The following TRPM2 variants were observed in gnomAD, a reference collection of about 807,000 sequenced individuals.
The protein encoded by TRPM2 is transient receptor potential cation channel subfamily M member 2.
TRPM2 carries 161 observed loss-of-function variants against 174.0 expected under a neutral mutation model. The ratio of observed to expected loss-of-function variants is 0.93; its 90% confidence interval spans 0.81 to 1.05. The LOEUF (loss-of-function observed/expected upper bound fraction) is 1.05. Among genes scored for constraint, TRPM2 ranks in the 50% least tolerant of loss-of-function variants. The pLI is 0.00. For missense variants in TRPM2, 2,057 were observed against 2,038.0 expected, an observed-to-expected ratio of 1.01 and a Z score of -0.18; for synonymous variants, 954 against 861.3, an observed-to-expected ratio of 1.11 and a Z score of -1.88.
Position 44,406,603 on chromosome 21 carries a change from GTCT to G in TRPM2, c.2809_2811del (p.Phe937del), listed in dbSNP as rs759304969. 4.8e-5 allele frequency: 78 copies of G among 1,609,534 alleles called. No individual in the cohort carries two copies. Among genetic ancestry groups the G allele is most frequent in the African/African-American group, 2.1e-4 (16 of 74,952 alleles). Reference sequence around the variant, plus strand: ...ACTCTCTGTCCTGCAGATGAAGGACGTCTTCTTCTTCCTCTTCCTGCTGGCTGT... The same window carrying G: ...ACTCTCTGTCCTGCAGATGAAGGACGTCTTCTTCCTCTTCCTGCTGGCTGT... On this transcript the variant is annotated inframe_deletion, in exon 19 of 32. Coordinates refer to ENST00000397928, the MANE Select transcript of TRPM2 (RefSeq NM_003307.4).
In TRPM2 at chr21:44,424,840, C is replaced by A; in HGVS notation, c.3550-12C>A. ...GGCAGGTGCTCACTGTGTCTCGGGC[C>A]ATGCCTTCCAGGTGGCCCAGACAGC... is the stretch of plus-strand genomic sequence containing the variant. On this transcript the variant is annotated splice_polypyrimidine_tract_variant and intron_variant, in intron 23 of 31. Transcript: ENST00000397928. 1 of 1,577,370 alleles carries A rather than the reference C, an allele frequency of 6.3e-7. No individual in the cohort carries two copies. Among genetic ancestry groups the A allele is most frequent in the South Asian group, 1.2e-5 (1 of 86,278 alleles).
In TRPM2 at chr21:44,374,073, C is replaced by T. The variant is rs148860084; in HGVS notation, c.772-1760C>T. Among the ~76,000 whole-genome samples, 1,259 of 151,310 alleles carry T rather than the reference C, an allele frequency of 8.3e-3. 20 individuals carry two copies. Among genetic ancestry groups the T allele is most frequent in the African/African-American group, 0.028 (1,148 of 41,122 alleles). On this transcript the variant is annotated intron_variant, in intron 5 of 31. Coordinates refer to ENST00000397928, the MANE Select transcript of TRPM2 (RefSeq NM_003307.4). ...TTGCCCAGGCTGGAGTGCAGTGGTG[C>T]GATCTTGGCTCACTGCAACCTCCAC... is the stretch of plus-strand genomic sequence containing the variant.
chr21:44,359,851 G>A (rs768171565), intron 2 of TRPM2, among the ~76,000 whole-genome samples: 20 of 151,894 alleles, frequency 1.3e-4, no homozygotes, highest in East Asian at 1.2e-3. Context: ...GGGCTCAAGC[G>A]ATTCTCCTGC....
chr21:44,375,923 G>T lies in TRPM2; in HGVS notation c.862G>T (p.Asp288Tyr), dbSNP rs200731035. 5 of 1,614,102 alleles carry T rather than the reference G, an allele frequency of 3.1e-6. No homozygotes were observed. In the East Asian group the frequency reaches 6.7e-5, roughly 22 times the overall value. Residue 288 changes from aspartate (D) to tyrosine (Y), a missense_variant, in exon 6 of 32, where the codon GAC becomes TAC. Transcript: ENST00000397928. ...CAACCACTCTCACTTCATCCTCGTGGACGACGGGACCCACGGCCAGTACGG... is the reference window on the plus strand; with the variant it reads ...CAACCACTCTCACTTCATCCTCGTGTACGACGGGACCCACGGCCAGTACGG... ...DSNHSHFILV[D>Y]DGTHGQYGVE...
At chr21:44,369,060 G>C in intron 4 of TRPM2, 117 bp from the exon 5 acceptor site, 2 of 1,135,828 alleles carry the variant, frequency 1.8e-6, no homozygotes, top group East Asian at 5.2e-5. Context: ...TGAGTGAGGA[G>C]CTCTGCGTTG....
At position 44,414,017 on chromosome 21, in the gene TRPM2, G is replaced by C; in HGVS notation, c.3089G>C (p.Cys1030Ser). The C allele has an allele frequency of 1.9e-6, 3 of 1,613,620 alleles. No individual in the cohort carries two copies. The highest frequency in any genetic ancestry group is 2.5e-6 in the Non-Finnish European group (3 of 1,180,002). The change falls in exon 20 of 32, where the codon TGC becomes TCC. Residue 1030 changes from cysteine to serine, a missense_variant. Coordinates refer to ENST00000397928, the MANE Select transcript of TRPM2 (RefSeq NM_003307.4). ...FPEWLTVLLL[C>S]LYLLFTNILL... ...GAGTGGCTGACGGTCCTCCTACTCT[G>C]CCTCTACCTGCTCTTCACCAACATC...
In TRPM2 at chr21:44,354,004, G is replaced by A. The variant is rs774512743; in HGVS notation, c.165+139G>A. The A allele has an allele frequency of 1.1e-5, 11 of 1,040,474 alleles. No individual in the cohort carries two copies. Among genetic ancestry groups the A allele is most frequent in the Non-Finnish European group, 1.3e-5 (10 of 742,608 alleles). 64.5% of individuals were successfully genotyped at this position (1,040,474 alleles called of 1,614,324 possible). On this transcript the variant is annotated intron_variant, in intron 1 of 31. Transcript: ENST00000397928. This position sits in a 1 kb window ranked among gnomAD's most constrained non-coding sequence, Gnocchi z 4.3. ...GGGGCTCCTGCCCAACCATACCTTT[G>A]GGAGAACAGAACTGGGGAGGGTGAT...
chr21:44,354,832 A>ACCCTTCACTG lies in TRPM2; in HGVS notation c.254+96_254+97insCCCTTCACTG. ...GCCAAGACCCCTCAGGGCCTCAGTGAAGGGTCACTGGAGATACCTCTGTCT... is the reference window on the plus strand; with the variant it reads ...GCCAAGACCCCTCAGGGCCTCAGTGACCCTTCACTGAGGGTCACTGGAGATACCTCTGTCT... On this transcript the variant is annotated intron_variant, in intron 2 of 31. Transcript: ENST00000397928. The surrounding 1 kb of genome is among the most constrained non-coding windows in gnomAD (Gnocchi z 4.3). The ACCCTTCACTG allele has an allele frequency of 9.2e-7, 1 of 1,089,012 alleles. No homozygotes were observed. The highest frequency in any genetic ancestry group is 1.4e-6 in the Non-Finnish European group (1 of 705,582). 67.5% of individuals were successfully genotyped at this position (1,089,012 alleles called of 1,614,324 possible).
intron 11 of TRPM2, among the ~76,000 whole-genome samples, chr21:44,394,888 C>T (rs1161616759): frequency 2.6e-5 from 4 of 152,106 alleles, no homozygotes; most frequent in Non-Finnish European, 2.9e-5. Flanking sequence ...TACCTGAGTA[C>T]GTGTTTCCTG....
rs781186606 is a variant in TRPM2, at chr21:44,427,030, C to T, written c.3893C>T (p.Thr1298Met). The T allele has an allele frequency of 3.0e-5, 48 of 1,604,080 alleles. No individual in the cohort carries two copies. The highest frequency in any genetic ancestry group is 3.8e-4 in the Middle Eastern group (2 of 5,214). The change falls in exon 27 of 32, where the codon ACG becomes ATG. Residue 1298 changes from threonine to methionine, a missense_variant. Coordinates refer to ENST00000397928, the MANE Select transcript of TRPM2 (RefSeq NM_003307.4). Reference sequence around the variant, plus strand: ...CCCAGCACCCTGGAGCCACTGTCCACGATCCAGTACAACGTGGTGGATGGC... The same window carrying T: ...CCCAGCACCCTGGAGCCACTGTCCATGATCCAGTACAACGTGGTGGATGGC... The part of the protein sequence containing the change: ...PMGDTLEPLS[T>M]IQYNVVDGLR...
rs573567829 is a variant in TRPM2, at chr21:44,419,896, A to G, written c.3461+1341A>G. 6.7e-3 allele frequency among the ~76,000 whole-genome samples: 315 copies of G among 47,104 alleles called. 2 individuals carry two copies. Among genetic ancestry groups the G allele is most frequent in the African/African-American group, 0.025 (303 of 12,306 alleles). 30.9% of individuals were successfully genotyped at this position (47,104 alleles called of 152,430 possible). A position where few individuals can be genotyped will look rare whatever the true frequency, so the allele number is the denominator to read the frequency against. On this transcript the variant is annotated intron_variant, in intron 22 of 31. Coordinates refer to ENST00000397928, the MANE Select transcript of TRPM2 (RefSeq NM_003307.4). The stretch of plus-strand genomic sequence containing the variant: ...GGTGATGGTGGTGGTGGTGGATGGT[A>G]ATGGTGATGGTGACAGTGGTGGTAG...
chr21:44,407,746 G>A (rs566904160), intron 19 of TRPM2, among the ~76,000 whole-genome samples: 1 of 151,794 alleles, frequency 6.6e-6, no homozygotes, highest in African/African-American at 2.4e-5. Context: ...TTCAAGGTTT[G>A]TCACCGTGTA....
Position 44,401,715 on chromosome 21 carries a change from G to GCGC in TRPM2, c.2357_2358insGCC (p.Ala786_Arg787insPro). The GCGC allele has an allele frequency of 1.2e-6, 2 of 1,613,228 alleles. No individual in the cohort carries two copies. Among genetic ancestry groups the GCGC allele is most frequent in the Non-Finnish European group, 1.7e-6 (2 of 1,179,906 alleles). On this transcript the variant is annotated inframe_insertion, in exon 16 of 32. Transcript: ENST00000397928. ...GCTGCAGGATGTGGGCACCCCCGCG[G>GCGC]CCCGCGCCCGTGCCTTCTTCACCGC...
chr21:44,414,214 T>C, intron 20 of TRPM2, 140 bp downstream of exon 20: 1 of 1,142,262 alleles, frequency 8.8e-7, no homozygotes, highest in Admixed American at 2.0e-5. Flanking sequence ...CATATCCTGG[T>C]GGAGTGTGCA....
At chr21:44,405,807 C>G in intron 17 of TRPM2, 98 bp from the exon 18 acceptor site, 1 of 1,465,804 alleles carries the variant, frequency 6.8e-7, no homozygotes, top group African/African-American at 1.4e-5. Context: ...CCTCCAGGGC[C>G]CACCTGGGCT....
intron 26 of TRPM2, 120 bp downstream of exon 26, chr21:44,426,856 C>A: frequency 7.2e-7 from 1 of 1,396,576 alleles, no homozygotes; most frequent in Non-Finnish European, 1.0e-6. Context: ...AGGAGGGGCC[C>A]GTGGGGGCCT....
In TRPM2 at chr21:44,379,209, G is replaced by A. The variant is rs372379355; in HGVS notation, c.1215+12G>A. 1.4e-5 allele frequency: 23 copies of A among 1,610,030 alleles called. No homozygotes were observed. The African/African-American group carries it at 2.5e-4, about 18-fold the overall frequency. On this transcript the variant is annotated intron_variant, in intron 8 of 31. Coordinates refer to ENST00000397928, the MANE Select transcript of TRPM2 (RefSeq NM_003307.4). The stretch of plus-strand genomic sequence containing the variant: ...AGTGGACCAAAAAGGTGAGGCTGAC[G>A]GGCACGACGGTCACCAGCATGTGGC...
intron 9 of TRPM2, among the ~76,000 whole-genome samples, chr21:44,386,253 C>T (rs981601055): frequency 4.7e-4 from 71 of 152,148 alleles, no homozygotes; most frequent in Non-Finnish European, 8.7e-4. Flanking sequence ...GGCGTGGTGG[C>T]GAGCACCTGT....
rs1247952608 is a variant in TRPM2, at chr21:44,395,728, G to A, written c.1932+177G>A. On this transcript the variant is annotated intron_variant, in intron 12 of 31. Transcript: ENST00000397928. ...ATGTGGAGGGGTGTGGAGGGCTGTG[G>A]AGGGATGTGGAGGCTGTGGAGGGGT... Among the ~76,000 whole-genome samples, 13 of 9,316 alleles carry A rather than the reference G, an allele frequency of 1.4e-3. 5 individuals carry two copies. The East Asian group carries it at 0.036, about 26-fold the overall frequency. 6.1% of individuals were successfully genotyped at this position (9,316 alleles called of 152,430 possible).
Sources: gnomAD v4.1 joint callset for allele counts (sites outside exome capture counted in the v4.1 genomes callset) on GRCh38, gnomAD v4.1.1 for gene constraint, Gnocchi (gnomAD v3.1) non-coding constraint, MANE v1.5 for transcripts, NCBI Gene and HGNC (gene_info 2026-07-23, HGNC 2026-07-21) for gene names.